TAMM41: variants seen among roughly 807,000 people sequenced by gnomAD.
The protein encoded by TAMM41 is phosphatidate cytidylyltransferase, mitochondrial.
In TAMM41, 36 loss-of-function variants were observed where a neutral mutation model predicts 44.1. The ratio of observed to expected loss-of-function variants is 0.82; its 90% CI spans 0.63 to 1.08. TAMM41 has a LOEUF of 1.08. Among genes scored for constraint, TAMM41 ranks in the 50% least tolerant of loss-of-function variants. The probability of loss-of-function intolerance (pLI) is 0.00; values close to 1 mark genes in which losing one functional copy is unlikely to be tolerated. For synonymous variants in TAMM41, 164 were observed against 153.1 expected (o/e 1.07, Z -0.53); for missense variants, 417 against 404.3 (o/e 1.03, Z -0.27).
chr3:11,805,537 G>C (rs1160270707), intron 7 of TAMM41, among the ~76,000 whole-genome samples: 1 of 152,174 alleles, frequency 6.6e-6, no homozygotes, highest in Non-Finnish European at 1.5e-5. Flanking sequence ...CTCCCAAAGT[G>C]CTGGGATTAT....
chr3:11,826,397 C>T (rs111306160), intron 4 of TAMM41, among the ~76,000 whole-genome samples: 18,421 of 151,736 alleles, frequency 0.12, 2,397 homozygotes, highest in East Asian at 0.47. Flanking sequence ...GCCGTGGTGG[C>T]GTGTGCCTGT....
At chr3:11,787,223 C>A (rs2077422861), downstream of TAMM41, among the ~76,000 whole-genome samples, 2 of 152,326 alleles carry the variant, frequency 1.3e-5, no homozygotes, top group African/African-American at 4.8e-5. Context: ...AGCATCTCAT[C>A]TGTTATATTC....
intron 7 of TAMM41, among the ~76,000 whole-genome samples, chr3:11,803,608 C>T (rs776822519): frequency 6.6e-6 from 1 of 151,438 alleles, no homozygotes; most frequent in Non-Finnish European, 1.5e-5. Context: ...AAAACAAAAA[C>T]AAAAAAAACC....
At chr3:11,816,771 C>A (rs1421368200) in intron 5 of TAMM41, among the ~76,000 whole-genome samples, 1 of 151,416 alleles carries the variant, frequency 6.6e-6, no homozygotes, top group Admixed American at 6.6e-5. Context: ...GACCCTGTCC[C>A]CCCAAAAAAA....
At chr3:11,780,348 T>C in the TAMM41 span, among the ~76,000 whole-genome samples, 5 of 152,238 alleles carry the variant, frequency 3.3e-5, no homozygotes, top group African/African-American at 1.2e-4. Flanking sequence ...TGAATATCCA[T>C]AGTCCTATGT....
chr3:11,764,106 C>T, the TAMM41 span, among the ~76,000 whole-genome samples: 10 of 152,130 alleles, frequency 6.6e-5, no homozygotes, highest in African/African-American at 2.2e-4. Context: ...CAGGCTCAAG[C>T]GATCCTCCCA....
chr3:11,741,021 C>T, the TAMM41 span, among the ~76,000 whole-genome samples: 6 of 144,284 alleles, frequency 4.2e-5, no homozygotes, highest in African/African-American at 8.3e-5. Context: ...GAGTTCGAGA[C>T]CAGCCTGGCC....
chr3:11,735,837 G>A, the TAMM41 span, among the ~76,000 whole-genome samples: 5 of 152,130 alleles, frequency 3.3e-5, no homozygotes, highest in Non-Finnish European at 5.9e-5. Flanking sequence ...TGTGCCAGGC[G>A]AGGGCGCAGC....
At chr3:11,838,614 G>A (rs946851379) in intron 3 of TAMM41, among the ~76,000 whole-genome samples, 1 of 152,230 alleles carries the variant, frequency 6.6e-6, no homozygotes, top group African/African-American at 2.4e-5. Context: ...TGGGGTAGCA[G>A]AAGGGTGTGG....
At chr3:11,726,638 A>G in the TAMM41 span, among the ~76,000 whole-genome samples, 1 of 152,054 alleles carries the variant, frequency 6.6e-6, no homozygotes, top group African/African-American at 2.4e-5. Context: ...CCCCGTCTCT[A>G]CTAAAAGTAC....
At chr3:11,834,697 T>C (rs907971958) in intron 3 of TAMM41, among the ~76,000 whole-genome samples, 6 of 152,156 alleles carry the variant, frequency 3.9e-5, no homozygotes, top group Non-Finnish European at 7.4e-5. Context: ...CTCAAATATA[T>C]ATATTTGGAG....
At chr3:11,757,823 G>A in the TAMM41 span, among the ~76,000 whole-genome samples, 7 of 152,178 alleles carry the variant, frequency 4.6e-5, no homozygotes, top group Admixed American at 2.0e-4. Flanking sequence ...ACATGTAGGC[G>A]CTGAGAGCCT....
At chr3:11,837,530 C>T (rs371785990) in intron 3 of TAMM41, among the ~76,000 whole-genome samples, 38 of 151,656 alleles carry the variant, frequency 2.5e-4, no homozygotes, top group Admixed American at 1.3e-3. Context: ...AGGGAGAAGC[C>T]GACTCCCCAC....
chr3:11,784,337 T>C, the TAMM41 span, among the ~76,000 whole-genome samples: 16 of 152,132 alleles, frequency 1.1e-4, no homozygotes, highest in African/African-American at 3.4e-4. Context: ...CTACTAACAA[T>C]ACAAAAAATT....
chr3:11,746,675 G>A, the TAMM41 span, among the ~76,000 whole-genome samples: 5,311 of 152,196 alleles, frequency 0.035, 279 homozygotes, highest in African/African-American at 0.12. Context: ...TTAAGGCAGA[G>A]TCTCTCTCTA....
chr3:11,825,443 G>A (rs1408497102), intron 4 of TAMM41, among the ~76,000 whole-genome samples: 1 of 152,142 alleles, frequency 6.6e-6, no homozygotes, highest in African/African-American at 2.4e-5. Context: ...CTGCTTGTAA[G>A]GTTTCAGATG....
chr3:11,722,425 A>G, the TAMM41 span, among the ~76,000 whole-genome samples: 10 of 152,206 alleles, frequency 6.6e-5, no homozygotes, highest in South Asian at 4.1e-4. Context: ...AACGTGGCAG[A>G]CACATAGAAT....
intron 3 of TAMM41, chr3:11,833,004 C>G (rs2079042198): frequency 2.1e-5 from 22 of 1,051,932 alleles, no homozygotes; most frequent in African/African-American, 3.4e-5. Context: ...CATCCTTACT[C>G]AAAGGAAAAA....
the TAMM41 span, among the ~76,000 whole-genome samples, chr3:11,751,216 T>C: frequency 1.3e-5 from 2 of 151,432 alleles, no homozygotes; most frequent in African/African-American, 2.4e-5. Flanking sequence ...CTCAGCCTCC[T>C]GAGTAGCTGG....
Sources: allele counts gnomAD v4.1 joint callset (sites outside exome capture counted in the v4.1 genomes callset), GRCh38; gene constraint gnomAD v4.1.1; transcripts MANE v1.5; gene names NCBI Gene and HGNC (gene_info 2026-07-23, HGNC 2026-07-21).